Variants in TENM2 observed in about 807,000 individuals in gnomAD.
TENM2 encodes the protein teneurin-2.
TENM2 carries 52 observed loss-of-function variants against 245.2 expected under a neutral mutation model. The ratio of observed to expected loss-of-function variants is 0.21; its 90% confidence interval spans 0.17 to 0.27. The LOEUF is 0.27. TENM2 is among the 10% of genes least tolerant of loss of function. The pLI, the probability that TENM2 is intolerant of heterozygous loss-of-function variation, is 1.00. For missense variants in TENM2, 3,046 were observed against 3,666.8 expected, an observed-to-expected ratio of 0.83 and a Z score of 4.37; for synonymous variants, 1,363 against 1,438.9, an observed-to-expected ratio of 0.95 and a Z score of 1.19.
intron 1 of TENM2, among the ~76,000 whole-genome samples, chr5:167,311,172 G>A (rs1015144762): frequency 2.0e-5 from 3 of 152,164 alleles, no homozygotes; most frequent in Admixed American, 6.6e-5. Context: ...GGTGCCAGAT[G>A]AGGTTTTAGG....
chr5:167,629,237 A>C (rs993693667), intron 2 of TENM2, among the ~76,000 whole-genome samples: 6 of 152,204 alleles, frequency 3.9e-5, no homozygotes, highest in African/African-American at 9.6e-5. Flanking sequence ...ATCCTGGTTT[A>C]CTACTTTCTA....
At chr5:167,569,736 G>A (rs1774149365) in intron 2 of TENM2, among the ~76,000 whole-genome samples, 1 of 152,148 alleles carries the variant, frequency 6.6e-6, no homozygotes, top group Non-Finnish European at 1.5e-5. Context: ...GTAGGTGTTA[G>A]CTATATACTA....
At chr5:167,791,631 T>A (rs1019412666) in intron 2 of TENM2, among the ~76,000 whole-genome samples, 1 of 151,230 alleles carries the variant, frequency 6.6e-6, no homozygotes, top group African/African-American at 2.4e-5. Flanking sequence ...CTAAGTATGA[T>A]GATCCCAAAT....
At chr5:167,661,240 T>C in intron 2 of TENM2, among the ~76,000 whole-genome samples, 1 of 152,204 alleles carries the variant, frequency 6.6e-6, no homozygotes, top group Admixed American at 6.5e-5. Flanking sequence ...TTTAGCTGAA[T>C]TTCTATTATC....
intron 5 of TENM2, among the ~76,000 whole-genome samples, chr5:168,034,425 GTGTGGTTATAA>G (rs1350750506): frequency 3.3e-5 from 5 of 151,484 alleles, no homozygotes; most frequent in Non-Finnish European, 5.9e-5. Flanking sequence ...TCTGTAAGTG[GTGTGGTTATAA>G]AATATCCAGG....
chr5:168,096,624 G>A (rs1038685116), intron 8 of TENM2, among the ~76,000 whole-genome samples: 4 of 152,192 alleles, frequency 2.6e-5, no homozygotes, highest in African/African-American at 9.7e-5. Context: ...TCAATCCAGA[G>A]TGGGAGTAAA....
At chr5:167,269,833 C>T in the TENM2 span, among the ~76,000 whole-genome samples, 1 of 152,084 alleles carries the variant, frequency 6.6e-6, no homozygotes, top group South Asian at 2.1e-4. Flanking sequence ...CTTTATTATG[C>T]AAAGAAATTT....
rs755096007 is a variant in TENM2, at chr5:168,247,989, C to T, written c.7050C>T (p.Leu2350=). ...AGATTACCTCACTGTACTACGACCTCCAGGGCCACCTCTTTGCCATGGAGA... is the reference window on the plus strand; with the variant it reads ...AGATTACCTCACTGTACTACGACCTTCAGGGCCACCTCTTTGCCATGGAGA... The change falls in exon 27 of 29, where the codon CTC becomes CTT. Residue 2350 remains leucine, a synonymous_variant. Coordinates refer to ENST00000518659, the Ensembl canonical transcript of TENM2. This position sits in a 1 kb window ranked among gnomAD's most constrained non-coding sequence, Gnocchi z 7.8. The T allele has an allele frequency of 1.9e-6, 3 of 1,613,992 alleles. No homozygotes were observed. Among genetic ancestry groups the T allele is most frequent in the Non-Finnish European group, 2.5e-6 (3 of 1,179,898 alleles).
intron 2 of TENM2, among the ~76,000 whole-genome samples, chr5:167,566,059 C>T (rs1773887464): frequency 6.6e-6 from 1 of 152,094 alleles, no homozygotes; most frequent in Non-Finnish European, 1.5e-5. Flanking sequence ...TATGGTACAT[C>T]TAAAGTTTTA....
chr5:168,190,322 C>T lies in TENM2; in HGVS notation c.2570-15C>T, dbSNP rs1428416340. 1 of 1,607,584 alleles carries T rather than the reference C, an allele frequency of 6.2e-7. No individual in the cohort carries two copies. Among genetic ancestry groups the T allele is most frequent in the Non-Finnish European group, 8.5e-7 (1 of 1,175,628 alleles). ...ATGAAATCTGCTGACTCTGGCTCTG[C>T]CTCTGCCCTTCCAGATGGCCTGGTG... On this transcript the variant is annotated splice_polypyrimidine_tract_variant and intron_variant, in intron 13 of 28. Coordinates refer to ENST00000518659, the Ensembl canonical transcript of TENM2.
intron 2 of TENM2, among the ~76,000 whole-genome samples, chr5:167,610,909 C>T (rs1163123802): frequency 6.6e-6 from 1 of 152,088 alleles, no homozygotes; most frequent in African/African-American, 2.4e-5. Context: ...GGAGACAGTC[C>T]CTTATAAGTG....
chr5:168,044,189 G>A (rs1003355629), intron 5 of TENM2, among the ~76,000 whole-genome samples: 25 of 152,220 alleles, frequency 1.6e-4, no homozygotes, highest in Non-Finnish European at 3.2e-4. Context: ...GCCGAGGTGG[G>A]TGGATCACGA....
At chr5:167,127,091 C>G in the TENM2 span, among the ~76,000 whole-genome samples, 38 of 151,906 alleles carry the variant, frequency 2.5e-4, 1 homozygote, top group Non-Finnish European at 4.7e-4. Context: ...CACATGAGGC[C>G]ACCAGAAAGA....
At chr5:167,539,627 A>G (rs568997425) in intron 2 of TENM2, among the ~76,000 whole-genome samples, 1 of 152,350 alleles carries the variant, frequency 6.6e-6, no homozygotes, top group African/African-American at 2.4e-5. Context: ...TTTAAAAAGT[A>G]GGACTGGTTG....
chr5:167,736,290 G>A (rs1760791019), intron 2 of TENM2, among the ~76,000 whole-genome samples: 1 of 152,076 alleles, frequency 6.6e-6, no homozygotes, highest in Non-Finnish European at 1.5e-5. Context: ...TCTCCACCTG[G>A]TCCCTCCCAT....
chr5:168,199,049 T>G, exon 16 of TENM2: 1 of 1,613,860 alleles, frequency 6.2e-7, no homozygotes, highest in East Asian at 2.2e-5. Context: ...AATCATCATC[T>G]CCTCCCCACT....
chr5:167,427,799 AGGAAGGAC>A (rs1763953754), intron 2 of TENM2, among the ~76,000 whole-genome samples: 57 of 126,322 alleles, frequency 4.5e-4, no homozygotes, highest in South Asian at 1.5e-3. Flanking sequence ...AAGGGAAGGA[AGGAAGGAC>A]GGAAAGGAAG....
chr5:167,467,303 A>G (rs1297992163), intron 2 of TENM2, among the ~76,000 whole-genome samples: 1 of 152,078 alleles, frequency 6.6e-6, no homozygotes, highest in African/African-American at 2.4e-5. Context: ...GAGGAAGGTG[A>G]CTGCTTCCCC....
Position 167,941,280 on chromosome 5 carries a change from A to G in TENM2, c.713-11308A>G, listed in dbSNP as rs576565105. Among the ~76,000 whole-genome samples, 5 of 152,348 alleles carry G rather than the reference A, an allele frequency of 3.3e-5. No homozygotes were observed. In the South Asian group the frequency reaches 8.3e-4, roughly 25 times the overall value. On this transcript the variant is annotated intron_variant, in intron 3 of 28. Coordinates refer to ENST00000518659, the Ensembl canonical transcript of TENM2. ...TGTTTACCAGGACTACCAGAACTCA[A>G]GGAAACACAGGTCTTCTTGTGCTAA...
Sources: allele counts gnomAD v4.1 joint callset (sites outside exome capture counted in the v4.1 genomes callset), GRCh38; gene constraint gnomAD v4.1.1; non-coding constraint Gnocchi (gnomAD v3.1); transcripts MANE v1.5; gene names NCBI Gene and HGNC (gene_info 2026-07-23, HGNC 2026-07-21).